Variants in MED20 observed in about 807,000 individuals in gnomAD.
MED20 encodes mediator complex subunit 20, also known as mediator of RNA polymerase II transcription subunit 20.
MED20 carries 19 observed loss-of-function variants against 19.7 expected under a neutral mutation model. The observed-to-expected ratio is 0.96, with a 90% CI of 0.67 to 1.42. The LOEUF is 1.42. MED20 is among the 40% of genes most tolerant of loss of function. MED20 has a pLI of 0.00. For missense variants in MED20, 225 were observed against 273.0 expected, an observed-to-expected ratio of 0.82 and a Z score of 1.24; for synonymous variants, 105 against 104.8, an observed-to-expected ratio of 1.00 and a Z score of -0.01.
chr6:41,912,926 A>G (rs1286340922), intron 2 of MED20: 1 of 152,042 alleles, frequency 6.6e-6, no homozygotes, highest in Admixed American at 6.6e-5. Flanking sequence ...TGGGCAACAT[A>G]GGGAGACCTT....
chr6:41,913,303 A>G (rs932973203), intron 2 of MED20, among the ~76,000 whole-genome samples: 1 of 152,050 alleles, frequency 6.6e-6, no homozygotes, highest in Non-Finnish European at 1.5e-5. Context: ...TGAAGCTCCA[A>G]TCCAGGCATG....
intron 2 of MED20, among the ~76,000 whole-genome samples, chr6:41,911,878 G>A (rs887516631): frequency 2.6e-5 from 4 of 151,976 alleles, no homozygotes; most frequent in African/African-American, 7.3e-5. Context: ...ATCCAAAGCC[G>A]ACCTCGTCAT....
intron 3 of MED20, 158 bp downstream of exon 3, chr6:41,909,110 GC>G: frequency 1.1e-6 from 1 of 938,758 alleles, no homozygotes; most frequent in Non-Finnish European, 1.6e-6. Context: ...GGAGGTCGAG[GC>G]TACAGTGTGC....
chr6:41,912,351 AC>A (rs1347771765), intron 2 of MED20, among the ~76,000 whole-genome samples: 1 of 98,458 alleles, frequency 1.0e-5, no homozygotes, highest in Non-Finnish European at 1.9e-5. Flanking sequence ...TGACCATAGT[AC>A]TTTTTTTTTT....
In MED20 at chr6:41,909,407, C is replaced by A; in HGVS notation, c.285G>T (p.Met95Ile). ...TCTGGAAAAAGCCCTTGAGCTTCACCATAAGCACATCAAAGTTGGTGTCAG... is the reference window on the plus strand; with the variant it reads ...TCTGGAAAAAGCCCTTGAGCTTCACAATAAGCACATCAAAGTTGGTGTCAG... ...LIADTNFDVL[M>I]VKLKGFFQSA... The change falls in exon 3 of 4, where the codon ATG becomes ATT. Residue 95 changes from methionine (M) to isoleucine (I), a missense_variant. By Grantham distance (10) the Met-to-Ile change is conservative. Transcript: ENST00000265350. 6.2e-7 allele frequency: 1 copy of A among 1,614,226 alleles called. No individual in the cohort carries two copies. The highest frequency in any genetic ancestry group is 8.5e-7 in the Non-Finnish European group (1 of 1,180,044).
At position 41,906,853 on chromosome 6, in the gene MED20, A is replaced by G. The variant is rs147718355; in HGVS notation, c.*219T>C. 4.2e-4 allele frequency: 231 copies of G among 553,140 alleles called. No individual in the cohort carries two copies. Among genetic ancestry groups the G allele is most frequent in the Non-Finnish European group, 3.1e-4 (97 of 309,264 alleles). The allele number at this position is 553,140 out of a possible 1,614,324, so 34.3% of individuals were successfully genotyped here. ...TTCTTGAGGACAGGCCAAATCCAGT[A>G]AGGCACGGAGTAAAACAGCTGATGG... On this transcript the variant is annotated 3_prime_UTR_variant, in exon 4 of 4. Transcript: ENST00000265350.
At position 41,909,326 on chromosome 6, in the gene MED20, G is replaced by A. The variant is rs1170108051; in HGVS notation, c.366C>T (p.Phe122=). Residue 122 remains phenylalanine (F), a synonymous_variant, in exon 3 of 4, where the codon TTC becomes TTT. Transcript: ENST00000265350. The part of the protein sequence containing the change: ...TRGTRYQYCD[F]LVKVGTVTMG... ...TTGTGACCGTGCCCACCTTCACCAGGAAGTCACAGTACTGGTACCTGGTGC... is the reference window on the plus strand; with the variant it reads ...TTGTGACCGTGCCCACCTTCACCAGAAAGTCACAGTACTGGTACCTGGTGC... 2 of 1,614,062 alleles carry A rather than the reference G, an allele frequency of 1.2e-6. No homozygotes were observed. Among genetic ancestry groups the A allele is most frequent in the Non-Finnish European group, 1.7e-6 (2 of 1,180,008 alleles).
At position 41,906,644 on chromosome 6, in the gene MED20, A is replaced by G. The variant is rs1360924053; in HGVS notation, c.*428T>C. On this transcript the variant is annotated 3_prime_UTR_variant, in exon 4 of 4. Coordinates refer to ENST00000265350, the MANE Select transcript of MED20 (RefSeq NM_004275.5). ...CCAGCCACATCCTCTGAGGGAAGGA[A>G]GAGGCTCTTATTACAGCACAATCCA... 6.0e-6 allele frequency: 1 copy of G among 165,638 alleles called. No individual in the cohort carries two copies. Among genetic ancestry groups the G allele is most frequent in the African/African-American group, 2.4e-5 (1 of 41,856 alleles). The allele number at this position is 165,638 out of a possible 1,614,324, so 10.3% of individuals were successfully genotyped here. A position where few individuals can be genotyped will look rare whatever the true frequency, so the allele number is the denominator to read the frequency against.
chr6:41,907,995 C>G (rs371473730), intron 3 of MED20, among the ~76,000 whole-genome samples: 1 of 152,090 alleles, frequency 6.6e-6, no homozygotes, highest in African/African-American at 2.4e-5. Flanking sequence ...TATCACAAGC[C>G]GAAAGGGTTA....
At chr6:41,907,854 G>A (rs1775096260) in intron 3 of MED20, among the ~76,000 whole-genome samples, 1 of 152,110 alleles carries the variant, frequency 6.6e-6, no homozygotes, top group South Asian at 2.1e-4. Flanking sequence ...CTGGAGAGAT[G>A]GCAGGGCAAA....
rs142867171 is a variant in MED20 at position 41,915,141 on chromosome 6, A to G, written c.169+1644T>C. Among the ~76,000 whole-genome samples, 241 of 152,318 alleles carry G rather than the reference A, an allele frequency of 1.6e-3. 1 individual carries two copies. Among genetic ancestry groups the G allele is most frequent in the African/African-American group, 5.6e-3 (234 of 41,574 alleles). ...AACTGCACAAAACAAAAAGCACTCA[A>G]AGAACACAAGGGCCAGGCATGGTGG... is the stretch of plus-strand genomic sequence containing the variant. On this transcript the variant is annotated intron_variant, in intron 2 of 3. Coordinates refer to ENST00000265350, the MANE Select transcript of MED20 (RefSeq NM_004275.5).
At chr6:41,917,225 C>T (rs924369766) in intron 1 of MED20, among the ~76,000 whole-genome samples, 2 of 152,026 alleles carry the variant, frequency 1.3e-5, no homozygotes, top group Non-Finnish European at 2.9e-5. Context: ...CATGGTGAAA[C>T]CCCGTCTCTA....
At chr6:41,916,989 T>C (rs753409662) in intron 1 of MED20, 50 bp from the exon 2 acceptor site, 2 of 1,601,558 alleles carry the variant, frequency 1.2e-6, no homozygotes, top group Non-Finnish European at 1.7e-6. Flanking sequence ...ACACGTGTGC[T>C]CACTGAGCCA....
In MED20 at chr6:41,920,264, A is replaced by G. The variant is rs1046744037; in HGVS notation, c.14+741T>C. 5.3e-5 allele frequency among the ~76,000 whole-genome samples: 8 copies of G among 152,336 alleles called. No individual in the cohort carries two copies. In the South Asian group the frequency reaches 1.2e-3, roughly 24 times the overall value. Reference sequence around the variant, plus strand: ...CTGGAACCATGATCTCCTTATTATCAATACCCTTTTTTCCTCTAGACCCAA... The same window carrying G: ...CTGGAACCATGATCTCCTTATTATCGATACCCTTTTTTCCTCTAGACCCAA... On this transcript the variant is annotated intron_variant, in intron 1 of 3. Coordinates refer to ENST00000265350, the MANE Select transcript of MED20 (RefSeq NM_004275.5).
intron 2 of MED20, among the ~76,000 whole-genome samples, chr6:41,916,423 T>C (rs971229974): frequency 1.3e-5 from 2 of 151,538 alleles, no homozygotes; most frequent in Non-Finnish European, 2.9e-5. Context: ...CTACCAAAAA[T>C]ACAAAATTAG....
intron 2 of MED20, among the ~76,000 whole-genome samples, chr6:41,916,436 G>A (rs1015349678): frequency 2.0e-5 from 3 of 151,828 alleles, no homozygotes; most frequent in African/African-American, 4.8e-5. Context: ...AAAATTAGCC[G>A]GGCTTGGTGG....
chr6:41,909,309 G>A lies in MED20; in HGVS notation c.383C>T (p.Thr128Met), dbSNP rs778656525. The A allele has an allele frequency of 2.5e-6, 4 of 1,614,050 alleles. No individual in the cohort carries two copies. The highest frequency in any genetic ancestry group is 3.4e-6 in the Non-Finnish European group (4 of 1,180,022). Residue 128 changes from threonine (T) to methionine (M), a missense_variant, in exon 3 of 4, where the codon ACG (threonine) becomes ATG (methionine). Thr to Met is a moderately conservative substitution (Grantham distance 81, BLOSUM62 -1). Transcript: ENST00000265350. The part of the protein sequence containing the change: ...QYCDFLVKVG[T>M]VTMGPSARGI... The stretch of plus-strand genomic sequence containing the variant: ...CCGGGCACTGGGCCCCATTGTGACC[G>A]TGCCCACCTTCACCAGGAAGTCACA...
chr6:41,917,131 G>A (rs1775335117), intron 1 of MED20, among the ~76,000 whole-genome samples, 192 bp from the exon 2 acceptor site: 1 of 152,146 alleles, frequency 6.6e-6, no homozygotes, highest in Admixed American at 6.6e-5. Flanking sequence ...GCCAGGCGTG[G>A]TGGCTCATGC....
chr6:41,919,771 T>G (rs1038693254), intron 1 of MED20, among the ~76,000 whole-genome samples: 1 of 152,180 alleles, frequency 6.6e-6, no homozygotes, highest in Middle Eastern at 3.4e-3. Context: ...TTCTATTTCT[T>G]TAAAAAAAAG....
Sources: gnomAD v4.1 joint callset for allele counts (sites outside exome capture counted in the v4.1 genomes callset) on GRCh38, gnomAD v4.1.1 for gene constraint, MANE v1.5 for transcripts, NCBI Gene and HGNC (gene_info 2026-07-23, HGNC 2026-07-21) for gene names.